FOXO1: variants seen among roughly 807,000 people sequenced by gnomAD.
FOXO1 encodes the protein forkhead box protein O1.
In FOXO1, 6 loss-of-function variants were observed where a neutral mutation model predicts 44.1. The ratio of observed to expected loss-of-function variants is 0.14; its 90% CI spans 0.07 to 0.27. FOXO1 has a LOEUF of 0.27. Ranked by LOEUF, FOXO1 falls within the 10% of genes least tolerant of loss-of-function variation. The pLI is 1.00. For missense variants in FOXO1, 737 were observed against 888.8 expected, an observed-to-expected ratio of 0.83 and a Z score of 2.17; for synonymous variants, 380 against 362.7, an observed-to-expected ratio of 1.05 and a Z score of -0.54.
At chr13:40,593,733 A>C (rs1875474880) in intron 1 of FOXO1, among the ~76,000 whole-genome samples, 2 of 152,252 alleles carry the variant, frequency 1.3e-5, no homozygotes, top group African/African-American at 4.8e-5. Flanking sequence ...TCTGGCTTGC[A>C]GTAAATCTAC....
At chr13:40,638,932 G>A (rs1254347094) in intron 1 of FOXO1, among the ~76,000 whole-genome samples, 2 of 152,188 alleles carry the variant, frequency 1.3e-5, no homozygotes, top group African/African-American at 4.8e-5. Context: ...GGTGGCTCAC[G>A]CCTATAATCC....
At position 40,644,667 on chromosome 13, in the gene FOXO1, C is replaced by CA. The variant is rs1205361166; in HGVS notation, c.630+20915dup. ...TATACAATTCCCGGTTTGATTGGGT[C>CA]AAACCTCTAAACTCTCAACATATAA... On this transcript the variant is annotated intron_variant, in intron 1 of 2. Coordinates refer to ENST00000379561, the MANE Select transcript of FOXO1 (RefSeq NM_002015.4). Among the ~76,000 whole-genome samples, 3 of 152,204 alleles carry CA rather than the reference C, an allele frequency of 2.0e-5. No individual in the cohort carries two copies. The East Asian group carries it at 5.8e-4, about 29-fold the overall frequency.
intron 1 of FOXO1, among the ~76,000 whole-genome samples, chr13:40,627,688 C>A (rs1485324639): frequency 6.6e-6 from 1 of 152,000 alleles, no homozygotes; most frequent in African/African-American, 2.4e-5. Context: ...CCAAAATTAG[C>A]CAGGCATGGT....
intron 1 of FOXO1, among the ~76,000 whole-genome samples, chr13:40,626,866 T>C (rs1179470678): frequency 6.6e-6 from 1 of 152,238 alleles, no homozygotes; most frequent in Non-Finnish European, 1.5e-5. Flanking sequence ...TATTGGCAAC[T>C]GCCCTACATG....
chr13:40,587,621 T>C (rs1371188677), intron 1 of FOXO1, among the ~76,000 whole-genome samples: 1 of 152,222 alleles, frequency 6.6e-6, no homozygotes, highest in Non-Finnish European at 1.5e-5. Flanking sequence ...AGTCCATCTA[T>C]ACCTAAAGCA....
intron 1 of FOXO1, among the ~76,000 whole-genome samples, chr13:40,571,771 CCATA>C (rs1874520732): frequency 6.6e-6 from 1 of 152,118 alleles, no homozygotes; most frequent in Non-Finnish European, 1.5e-5. Context: ...GTTTTATAGG[CCATA>C]CAATTTTTCT....
intron 1 of FOXO1, among the ~76,000 whole-genome samples, chr13:40,606,685 CA>C (rs1472102111): frequency 6.6e-6 from 1 of 152,070 alleles, no homozygotes; most frequent in African/African-American, 2.4e-5. Flanking sequence ...GGCAGGGTGC[CA>C]AAAGCGACTG....
chr13:40,661,478 G>A (rs1468018806), intron 1 of FOXO1, among the ~76,000 whole-genome samples: 2 of 152,204 alleles, frequency 1.3e-5, no homozygotes, highest in East Asian at 3.9e-4. Context: ...TTGTATTTTA[G>A]TAGAGATGAG....
At chr13:40,651,816 C>A (rs200511172) in intron 1 of FOXO1, among the ~76,000 whole-genome samples, 3 of 151,910 alleles carry the variant, frequency 2.0e-5, no homozygotes, top group Non-Finnish European at 4.4e-5. Flanking sequence ...CCAGGCACAC[C>A]GGTAACAGAA....
intron 1 of FOXO1, among the ~76,000 whole-genome samples, 153 bp from the exon 2 acceptor site, chr13:40,561,013 C>A (rs1873991602): frequency 6.6e-6 from 1 of 152,192 alleles, no homozygotes; most frequent in Non-Finnish European, 1.5e-5. Flanking sequence ...GAAGCCACTA[C>A]AAAAGATCTC....
At chr13:40,576,910 C>A (rs948250053) in intron 1 of FOXO1, among the ~76,000 whole-genome samples, 1 of 152,242 alleles carries the variant, frequency 6.6e-6, no homozygotes, top group African/African-American at 2.4e-5. Context: ...ATTTTTGTTC[C>A]TTGATGTCAT....
intron 1 of FOXO1, among the ~76,000 whole-genome samples, chr13:40,617,363 T>C (rs1157195513): frequency 1.3e-5 from 2 of 151,800 alleles, no homozygotes; most frequent in African/African-American, 2.4e-5. Flanking sequence ...GAGAATCACT[T>C]GAACCCAGGA....
At chr13:40,567,692 G>A (rs181978377) in intron 1 of FOXO1, among the ~76,000 whole-genome samples, 159 of 152,078 alleles carry the variant, frequency 1.0e-3, no homozygotes, top group Admixed American at 1.8e-3. Context: ...CAATGTGGGC[G>A]GGCGTGGTGG....
At chr13:40,632,831 G>A (rs1035890730) in intron 1 of FOXO1, among the ~76,000 whole-genome samples, 13 of 150,860 alleles carry the variant, frequency 8.6e-5, no homozygotes, top group Middle Eastern at 3.4e-3. Flanking sequence ...TGTAATCCCA[G>A]CTACTTGGGA....
chr13:40,632,612 T>A (rs1336977704), intron 1 of FOXO1, among the ~76,000 whole-genome samples: 2 of 150,902 alleles, frequency 1.3e-5, no homozygotes, highest in Admixed American at 1.3e-4. Context: ...TACTACAGCC[T>A]GAGCGACAGA....
At chr13:40,648,936 C>A (rs947204466) in intron 1 of FOXO1, among the ~76,000 whole-genome samples, 1 of 152,214 alleles carries the variant, frequency 6.6e-6, no homozygotes, top group Non-Finnish European at 1.5e-5. Context: ...ATGCTCTAAT[C>A]AACAGCCGTT....
intron 1 of FOXO1, among the ~76,000 whole-genome samples, chr13:40,634,966 C>T (rs1008076451): frequency 2.6e-5 from 4 of 152,112 alleles, no homozygotes; most frequent in African/African-American, 4.8e-5. Context: ...CATGAGCCAC[C>T]GTGTCCAGCC....
At chr13:40,595,912 C>T (rs572017838) in intron 1 of FOXO1, among the ~76,000 whole-genome samples, 3 of 149,180 alleles carry the variant, frequency 2.0e-5, no homozygotes, top group East Asian at 4.0e-4. Flanking sequence ...TCTGGTTAGT[C>T]GTAGGCCCTG....
intron 1 of FOXO1, among the ~76,000 whole-genome samples, chr13:40,624,673 C>T (rs1876729644): frequency 1.3e-5 from 2 of 152,134 alleles, no homozygotes. Context: ...TAAAGTTTAT[C>T]AAGTCCACTC....
Sources: gnomAD v4.1 joint callset for allele counts (sites outside exome capture counted in the v4.1 genomes callset) on GRCh38, gnomAD v4.1.1 for gene constraint, MANE v1.5 for transcripts, NCBI Gene and HGNC (gene_info 2026-07-23, HGNC 2026-07-21) for gene names.